The following SDHAF3 variants were observed in gnomAD, a reference collection of about 807,000 sequenced individuals.
The protein encoded by SDHAF3 is succinate dehydrogenase complex assembly factor 3, also known as succinate dehydrogenase assembly factor 3, mitochondrial.
A neutral mutation model predicts 11.5 loss-of-function variants in SDHAF3; 18 were observed. That is an observed-to-expected ratio of 1.56 (90% CI 1.08 to 2.32). SDHAF3 has a LOEUF of 2.32. SDHAF3 is among the 30% of genes most tolerant of loss of function. The pLI, the probability that SDHAF3 is intolerant of heterozygous loss-of-function variation, is 0.00. For missense variants in SDHAF3, 200 were observed against 154.4 expected, an observed-to-expected ratio of 1.30 and a Z score of -1.57; for synonymous variants, 72 against 59.3, an observed-to-expected ratio of 1.21 and a Z score of -0.99.
chr7:97,123,168 C>T (rs938207400), intron 1 of SDHAF3, among the ~76,000 whole-genome samples: 1 of 151,948 alleles, frequency 6.6e-6, no homozygotes, highest in Non-Finnish European at 1.5e-5. Context: ...CTGAAAGGCC[C>T]AGGTATGTGA....
chr7:97,169,775 T>G (rs1789576402), intron 1 of SDHAF3, among the ~76,000 whole-genome samples: 1 of 152,136 alleles, frequency 6.6e-6, no homozygotes, highest in Admixed American at 6.5e-5. Flanking sequence ...TTTGAACTCT[T>G]TATGTTTTTA....
Position 97,181,746 on chromosome 7 carries a change from A to AAACT in SDHAF3, c.*533_*536dup, listed in dbSNP as rs1168157826. On this transcript the variant is annotated 3_prime_UTR_variant, in exon 2 of 2. Transcript: ENST00000432641. ...TTTTACTATCAATCATTTGTATAATAAACTATACAAAGTATAATACGTTTC... is the reference window on the plus strand; with the variant it reads ...TTTTACTATCAATCATTTGTATAATAAACTAACTATACAAAGTATAATACGTTTC... The AAACT allele has an allele frequency of 6.5e-6, 1 of 153,386 alleles. No individual in the cohort carries two copies. Among genetic ancestry groups the AAACT allele is most frequent in the Non-Finnish European group, 1.5e-5 (1 of 68,874 alleles). The allele number at this position is 153,386 out of a possible 1,614,324, so 9.5% of individuals were successfully genotyped here.
Position 97,167,339 on chromosome 7 carries a change from A to G in SDHAF3, c.175-13673A>G, listed in dbSNP as rs541603211. Among the ~76,000 whole-genome samples, 17 of 152,240 alleles carry G rather than the reference A, an allele frequency of 1.1e-4. No homozygotes were observed. The South Asian group carries it at 3.3e-3, about 30-fold the overall frequency. ...GCTCGCTTTTTGTTCATCTTCTGCT[A>G]TGATTGTACATTTCCTGAGGCCTCC... On this transcript the variant is annotated intron_variant, in intron 1 of 1. Coordinates refer to ENST00000432641, the MANE Select transcript of SDHAF3 (RefSeq NM_020186.3).
At chr7:97,122,603 T>C in intron 1 of SDHAF3, among the ~76,000 whole-genome samples, 1 of 152,130 alleles carries the variant, frequency 6.6e-6, no homozygotes, top group Non-Finnish European at 1.5e-5. Context: ...ACTCTCAGGT[T>C]TGGAGCATGA....
intron 1 of SDHAF3, among the ~76,000 whole-genome samples, chr7:97,155,390 T>G (rs866203130): frequency 3.9e-5 from 6 of 152,136 alleles, no homozygotes; most frequent in Admixed American, 1.3e-4. Flanking sequence ...ATACTGGTCC[T>G]TGTTTCTTGA....
At chr7:97,132,602 A>G (rs1791687202) in intron 1 of SDHAF3, among the ~76,000 whole-genome samples, 2 of 152,214 alleles carry the variant, frequency 1.3e-5, no homozygotes, top group Admixed American at 6.5e-5. Context: ...AAATTAAGTT[A>G]CCATGTAGTA....
In SDHAF3 at chr7:97,173,368, G is replaced by C. The variant is rs367634127; in HGVS notation, c.175-7644G>C. 1.4e-3 allele frequency among the ~76,000 whole-genome samples: 207 copies of C among 152,176 alleles called. 3 individuals carry two copies. In the South Asian group the frequency reaches 0.023, roughly 17 times the overall value. ...TAGAGAAAATATAATGAACCACTGT[G>C]TACCTATCACTCGACTTCAACAGTT... On this transcript the variant is annotated intron_variant, in intron 1 of 1. Coordinates refer to ENST00000432641, the MANE Select transcript of SDHAF3 (RefSeq NM_020186.3).
At chr7:97,136,413 G>C in intron 1 of SDHAF3, 1 of 641,228 alleles carries the variant, frequency 1.6e-6, no homozygotes, top group Non-Finnish European at 2.9e-6. Context: ...CTTGATGCAT[G>C]TATCTGAAAA....
chr7:97,150,328 C>G (rs1208855971), intron 1 of SDHAF3, among the ~76,000 whole-genome samples: 1 of 152,174 alleles, frequency 6.6e-6, no homozygotes, highest in South Asian at 2.1e-4. Flanking sequence ...TTTCAATTTA[C>G]TTTGTCCAGA....
intron 1 of SDHAF3, among the ~76,000 whole-genome samples, chr7:97,160,534 GA>G (rs1789392185): frequency 6.6e-6 from 1 of 152,190 alleles, no homozygotes; most frequent in African/African-American, 2.4e-5. Flanking sequence ...AGACATAGGA[GA>G]CTCCATTTTG....
intron 1 of SDHAF3, among the ~76,000 whole-genome samples, chr7:97,161,904 G>A (rs899419134): frequency 1.3e-5 from 2 of 152,188 alleles, no homozygotes; most frequent in Non-Finnish European, 2.9e-5. Flanking sequence ...ACATGTGCAT[G>A]TGTCTTTATA....
intron 1 of SDHAF3, among the ~76,000 whole-genome samples, chr7:97,160,179 C>CG (rs1562828582): frequency 7.1e-6 from 1 of 140,828 alleles, no homozygotes; most frequent in African/African-American, 2.7e-5. Context: ...CCTGCCCGGC[C>CG]ACCCATCGTC....
At position 97,143,665 on chromosome 7, in the gene SDHAF3, C is replaced by CTGTGTGTG. The variant is rs3029495; in HGVS notation, c.174+25796_174+25803dup. The stretch of plus-strand genomic sequence containing the variant: ...CTTTTTAGGGCTGAGTAGTGTTCCA[C>CTGTGTGTG]TGTGTGTGTGTGTGTGTGTGTGTGT... On this transcript the variant is annotated intron_variant, in intron 1 of 1. Transcript: ENST00000432641. Among the ~76,000 whole-genome samples the CTGTGTGTG allele has an allele frequency of 2.9e-3, 423 of 148,036 alleles. 3 individuals carry two copies. The highest frequency in any genetic ancestry group is 9.5e-3 in the African/African-American group (378 of 39,854).
At chr7:97,176,883 A>AT (rs1433035855) in intron 1 of SDHAF3, among the ~76,000 whole-genome samples, 1 of 152,142 alleles carries the variant, frequency 6.6e-6, no homozygotes, top group African/African-American at 2.4e-5. Context: ...AAATATTAAT[A>AT]TTTTGAAATA....
chr7:97,161,666 A>G (rs1245060115), intron 1 of SDHAF3, among the ~76,000 whole-genome samples: 1 of 151,624 alleles, frequency 6.6e-6, no homozygotes, highest in East Asian at 1.9e-4. Context: ...TCTCCCACTT[A>G]TGAGTGAGAA....
At chr7:97,169,533 A>AAAAC (rs1283893027) in intron 1 of SDHAF3, among the ~76,000 whole-genome samples, 1 of 152,164 alleles carries the variant, frequency 6.6e-6, no homozygotes, top group Non-Finnish European at 1.5e-5. Flanking sequence ...AATTTGTTAT[A>AAAAC]AAACATACTA....
At chr7:97,170,556 G>A (rs1457169812) in intron 1 of SDHAF3, among the ~76,000 whole-genome samples, 1 of 152,062 alleles carries the variant, frequency 6.6e-6, no homozygotes, top group Non-Finnish European at 1.5e-5. Context: ...CCAATATCAT[G>A]GACATAGAGT....
At chr7:97,162,905 T>A (rs1018208396) in intron 1 of SDHAF3, among the ~76,000 whole-genome samples, 20 of 152,200 alleles carry the variant, frequency 1.3e-4, no homozygotes, top group Non-Finnish European at 2.5e-4. Context: ...ATTTATTAGA[T>A]CCTCTTGGTG....
chr7:97,150,625 C>T (rs1180728864), intron 1 of SDHAF3, among the ~76,000 whole-genome samples: 1 of 145,170 alleles, frequency 6.9e-6, no homozygotes, highest in Non-Finnish European at 1.5e-5. Context: ...GTGCAGTGGC[C>T]TGATCTCAGC....
Sources: gnomAD v4.1 joint callset for allele counts (sites outside exome capture counted in the v4.1 genomes callset) on GRCh38, gnomAD v4.1.1 for gene constraint, MANE v1.5 for transcripts, NCBI Gene and HGNC (gene_info 2026-07-23, HGNC 2026-07-21) for gene names.